PCLO: variants seen among roughly 807,000 people sequenced by gnomAD.
PCLO encodes protein piccolo.
A neutral mutation model predicts 427.5 loss-of-function variants in PCLO; 82 were observed. That is an observed-to-expected ratio of 0.19 (90% CI 0.16 to 0.23). The LOEUF (loss-of-function observed/expected upper bound fraction) is 0.23, where lower values mean the gene tolerates loss of function less well. Ranked by LOEUF, PCLO falls within the 10% of genes least tolerant of loss-of-function variation. The probability of loss-of-function intolerance (pLI) is 1.00; values close to 1 mark genes in which losing one functional copy is unlikely to be tolerated. For missense variants in PCLO, 6,239 were observed against 6,115.9 expected (o/e 1.02, Z -0.67); for synonymous variants, 2,357 against 2,155.4 (o/e 1.09, Z -2.59).
intron 4 of PCLO, 116 bp from the exon 5 acceptor site, chr7:82,957,051 C>A: frequency 9.0e-7 from 1 of 1,111,052 alleles, no homozygotes; most frequent in South Asian, 2.6e-5. Context: ...AAAATTTTTT[C>A]AACCATATCT....
intron 6 of PCLO, among the ~76,000 whole-genome samples, chr7:82,947,421 A>T (rs1360191923): frequency 6.6e-6 from 1 of 151,956 alleles, no homozygotes; most frequent in East Asian, 1.9e-4. Flanking sequence ...TTTTTTTAGT[A>T]TAGTTAATAC....
At chr7:83,072,258 C>T (rs918794627) in intron 3 of PCLO, among the ~76,000 whole-genome samples, 5 of 152,044 alleles carry the variant, frequency 3.3e-5, no homozygotes, top group Admixed American at 6.5e-5. Context: ...ATGAAAACCA[C>T]TTAAGTATTT....
At chr7:82,812,158 T>C (rs1431883428) in intron 20 of PCLO, among the ~76,000 whole-genome samples, 1 of 151,506 alleles carries the variant, frequency 6.6e-6, no homozygotes, top group Non-Finnish European at 1.5e-5. Flanking sequence ...TCCATGCACA[T>C]TGGCCTTATG....
At chr7:82,850,802 T>C (rs1001599871) in intron 10 of PCLO, among the ~76,000 whole-genome samples, 1 of 152,116 alleles carries the variant, frequency 6.6e-6, no homozygotes, top group African/African-American at 2.4e-5. Flanking sequence ...TATGGTGTTA[T>C]AAAAATTAAT....
rs560117236 is a variant in PCLO, at chr7:82,951,402, C to T, written c.9186G>A (p.Gln3062=). 8.8e-6 allele frequency: 14 copies of T among 1,599,632 alleles called. No individual in the cohort carries two copies. Among genetic ancestry groups the T allele is most frequent in the Admixed American group, 1.7e-5 (1 of 57,552 alleles). ...GTGGTGTCATTCTTGCTGTGGAATA[C>T]TGTGGGGTACTAATCCCAGCTCCTG... ...VISGAGISTP[Q]YSTARMTPPP... The change falls in exon 6 of 25, where the codon CAG becomes CAA. Residue 3062 remains glutamine (Q), a synonymous_variant. Coordinates refer to ENST00000333891, the MANE Select transcript of PCLO (RefSeq NM_033026.6).
chr7:82,879,416 T>A lies in PCLO; in HGVS notation c.13575A>T (p.Gly4525=). Residue 4525 remains glycine, a synonymous_variant, in exon 10 of 25, where the codon GGA becomes GGT. Transcript: ENST00000333891. ...TATAGGCTCCAATTTCTCCACTATG[T>A]CCCGGGATTTCTTTACCACCCACAA... ...IRIVGGKEIP[G]HSGEIGAYIA... is the part of the protein sequence containing the mutation. 6.2e-7 allele frequency: 1 copy of A among 1,608,980 alleles called. No individual in the cohort carries two copies. The highest frequency in any genetic ancestry group is 8.5e-7 in the Non-Finnish European group (1 of 1,176,156).
At chr7:83,032,268 T>C (rs926244498) in intron 3 of PCLO, among the ~76,000 whole-genome samples, 1 of 152,140 alleles carries the variant, frequency 6.6e-6, no homozygotes, top group Non-Finnish European at 1.5e-5. Flanking sequence ...CCTTTAAGTA[T>C]TGCACACTTT....
intron 10 of PCLO, among the ~76,000 whole-genome samples, chr7:82,858,842 C>T (rs371496702): frequency 7.2e-5 from 11 of 152,008 alleles, no homozygotes; most frequent in East Asian, 1.9e-4. Context: ...AAATACTATG[C>T]GCCTATGGAT....
intron 2 of PCLO, among the ~76,000 whole-genome samples, chr7:83,148,615 G>A (rs1235155222): frequency 6.6e-6 from 1 of 151,648 alleles, no homozygotes; most frequent in Non-Finnish European, 1.5e-5. Context: ...CCCTCAACCA[G>A]CCCATTGAAA....
At chr7:82,800,883 C>T (rs922505548) in intron 22 of PCLO, among the ~76,000 whole-genome samples, 18 of 151,916 alleles carry the variant, frequency 1.2e-4, no homozygotes, top group African/African-American at 2.2e-4. Flanking sequence ...CCGTGCCCAG[C>T]CAGGGATACT....
At position 82,915,283 on chromosome 7, in the gene PCLO, T is replaced by C. The variant is rs192270512; in HGVS notation, c.12703A>G (p.Arg4235Gly). ...AAAGTGATGTCATCTTGAAGGAGCC[T>C]TGCCCTGGAGGAAATGCCACCAATA... ...SSIGGISSRA[R>G]LLQDDITFGL... is the part of the protein sequence containing the mutation. Residue 4235 changes from arginine to glycine, a missense_variant, in exon 7 of 25, where the codon AGG becomes GGG. Arg to Gly is a moderately radical substitution (Grantham distance 125). This residue lies in a region of PCLO where 680 missense variants were observed against 677.3 expected (regional missense o/e 1.00). Coordinates refer to ENST00000333891, the MANE Select transcript of PCLO (RefSeq NM_033026.6). 1.9e-6 allele frequency: 3 copies of C among 1,613,646 alleles called. No homozygotes were observed. The highest frequency in any genetic ancestry group is 3.3e-5 in the Admixed American group (2 of 59,966).
chr7:83,065,725 G>T (rs935892027), intron 3 of PCLO, among the ~76,000 whole-genome samples: 4 of 151,894 alleles, frequency 2.6e-5, no homozygotes, highest in Non-Finnish European at 4.4e-5. Context: ...TACAAAAGAA[G>T]AAAAATAAAA....
chr7:82,764,626 A>G (rs1278860242), intron 22 of PCLO, among the ~76,000 whole-genome samples: 2 of 151,970 alleles, frequency 1.3e-5, no homozygotes, highest in African/African-American at 2.4e-5. Flanking sequence ...TATGGAATCA[A>G]TAAGAGTGCA....
chr7:82,952,765 A>G lies in PCLO; in HGVS notation c.8188T>C (p.Leu2730=). 1 of 1,613,452 alleles carries G rather than the reference A, an allele frequency of 6.2e-7. No homozygotes were observed. Among genetic ancestry groups the G allele is most frequent in the East Asian group, 2.2e-5 (1 of 44,832 alleles). Residue 2730 remains leucine (L), a synonymous_variant, in exon 5 of 25, where the codon TTG becomes CTG. Coordinates refer to ENST00000333891, the MANE Select transcript of PCLO (RefSeq NM_033026.6). ...KLQLVGDVID[L]RTVPKVEVKT... ...ACTTCTACCTTTGGTACTGTACGCA[A>G]ATCAATTACATCACCAACAAGTTGC...
intron 22 of PCLO, among the ~76,000 whole-genome samples, chr7:82,788,630 A>G (rs910242307): frequency 6.6e-6 from 1 of 152,022 alleles, no homozygotes; most frequent in Non-Finnish European, 1.5e-5. Flanking sequence ...TTCTCCTACT[A>G]TTTTCAGGAT....
At position 82,946,947 on chromosome 7, in the gene PCLO, T is replaced by A. The variant is rs576505407; in HGVS notation, c.11112+2529A>T. Reference sequence around the variant, plus strand: ...AGATGATGGTGGCTCTGGTCTATGATCCTCATAGCCACAGGAAGTAAATCC... The same window carrying A: ...AGATGATGGTGGCTCTGGTCTATGAACCTCATAGCCACAGGAAGTAAATCC... On this transcript the variant is annotated intron_variant, in intron 6 of 24. Transcript: ENST00000333891. Among the ~76,000 whole-genome samples, 6 of 152,304 alleles carry A rather than the reference T, an allele frequency of 3.9e-5. No individual in the cohort carries two copies. The South Asian group carries it at 1.2e-3, about 32-fold the overall frequency.
chr7:82,819,191 A>C (rs1047514443), intron 20 of PCLO, among the ~76,000 whole-genome samples: 55 of 152,270 alleles, frequency 3.6e-4, no homozygotes, highest in African/African-American at 1.3e-3. Context: ...ATCGTCTATT[A>C]GAACAAAATT....
intron 20 of PCLO, among the ~76,000 whole-genome samples, chr7:82,809,765 C>G (rs1472188462): frequency 6.6e-6 from 1 of 151,224 alleles, no homozygotes; most frequent in Non-Finnish European, 1.5e-5. Flanking sequence ...TTTCCATGTT[C>G]TTTGTCAAAG....
intron 3 of PCLO, among the ~76,000 whole-genome samples, chr7:83,095,229 G>A (rs765562030): frequency 5.9e-5 from 9 of 151,904 alleles, no homozygotes; most frequent in Non-Finnish European, 1.3e-4. Flanking sequence ...CTACTTTGCC[G>A]AATATATGCA....
Sources: gnomAD v4.1 joint callset for allele counts (sites outside exome capture counted in the v4.1 genomes callset) on GRCh38, gnomAD v4.1.1 for gene constraint, gnomAD v4.1.1 regional missense constraint, MANE v1.5 for transcripts, NCBI Gene and HGNC (gene_info 2026-07-23, HGNC 2026-07-21) for gene names.